The following VWC2L variants were observed in gnomAD, a reference collection of about 807,000 sequenced individuals.
VWC2L encodes the protein von Willebrand factor C domain-containing protein 2-like.
A neutral mutation model predicts 21.6 loss-of-function variants in VWC2L; 10 were observed. The ratio of observed to expected loss-of-function variants is 0.46; its 90% CI spans 0.29 to 0.78. VWC2L has a LOEUF of 0.78. Ranked by LOEUF, VWC2L falls within the 30% of genes least tolerant of loss-of-function variation. The pLI is 0.10. For missense variants in VWC2L, 209 were observed against 277.1 expected, an observed-to-expected ratio of 0.75 and a Z score of 1.74; for synonymous variants, 96 against 94.3, an observed-to-expected ratio of 1.02 and a Z score of -0.10.
chr2:214,567,575 C>G (rs866228844), intron 3 of VWC2L, among the ~76,000 whole-genome samples: 2,017 of 127,492 alleles, frequency 0.016, 59 homozygotes, highest in African/African-American at 0.048. Context: ...CACACACACA[C>G]ACACACACAC....
At chr2:214,512,693 A>C (rs1429531246) in intron 3 of VWC2L, among the ~76,000 whole-genome samples, 1 of 152,200 alleles carries the variant, frequency 6.6e-6, no homozygotes, top group Non-Finnish European at 1.5e-5. Flanking sequence ...GATGAATTTC[A>C]ACACCCAAGA....
intron 1 of VWC2L, among the ~76,000 whole-genome samples, chr2:214,413,424 T>G (rs1702306515): frequency 2.0e-5 from 3 of 152,100 alleles, no homozygotes; most frequent in African/African-American, 7.2e-5. Flanking sequence ...GCACATGGAA[T>G]TCTCTTGTAT....
At chr2:214,553,549 C>G (rs1223388538) in intron 3 of VWC2L, among the ~76,000 whole-genome samples, 1 of 152,034 alleles carries the variant, frequency 6.6e-6, no homozygotes, top group Admixed American at 6.5e-5. Context: ...GTTATGGAGA[C>G]CAAGGTTTTA....
At chr2:214,564,278 A>T (rs539629330) in intron 3 of VWC2L, among the ~76,000 whole-genome samples, 1 of 152,352 alleles carries the variant, frequency 6.6e-6, no homozygotes, top group East Asian at 1.9e-4. Flanking sequence ...TATACCCATT[A>T]AACAACCATT....
At chr2:214,454,476 G>T (rs1235307643) in intron 3 of VWC2L, among the ~76,000 whole-genome samples, 12 of 138,224 alleles carry the variant, frequency 8.7e-5, no homozygotes, top group Non-Finnish European at 1.7e-4. Context: ...TTTTGTGTGG[G>T]TTTTTTTTTT....
chr2:214,472,315 A>G (rs1283478847), intron 3 of VWC2L: 1 of 152,252 alleles, frequency 6.6e-6, no homozygotes, highest in Non-Finnish European at 1.5e-5. Context: ...CCCAAGGAAA[A>G]TAAATACTAT....
intron 3 of VWC2L, among the ~76,000 whole-genome samples, chr2:214,448,435 GAAGGTGCT>G (rs1388293046): frequency 2.0e-5 from 3 of 152,166 alleles, no homozygotes; most frequent in Non-Finnish European, 4.4e-5. Flanking sequence ...TGGTGGGAAG[GAAGGTGCT>G]TCTCAGAAGA....
At chr2:214,572,741 A>T (rs1485449546) in intron 3 of VWC2L, among the ~76,000 whole-genome samples, 1 of 152,190 alleles carries the variant, frequency 6.6e-6, no homozygotes, top group Non-Finnish European at 1.5e-5. Context: ...AGCAAACTTG[A>T]GACTTCTGTA....
At chr2:214,431,622 A>T (rs1702602326) in intron 2 of VWC2L, among the ~76,000 whole-genome samples, 1 of 152,198 alleles carries the variant, frequency 6.6e-6, no homozygotes, top group African/African-American at 2.4e-5. Flanking sequence ...TTTTCAGAAT[A>T]TTCAAAATGT....
intron 3 of VWC2L, among the ~76,000 whole-genome samples, chr2:214,570,633 G>T (rs1195511721): frequency 6.6e-6 from 1 of 152,028 alleles, no homozygotes. Context: ...AAAGTGCTGG[G>T]ATTACAGGCG....
chr2:214,438,546 T>C (rs936121284), intron 3 of VWC2L, among the ~76,000 whole-genome samples: 4 of 152,088 alleles, frequency 2.6e-5, no homozygotes, highest in Non-Finnish European at 2.9e-5. Context: ...ACATCCAGCA[T>C]ATTCATAGAA....
intron 3 of VWC2L, among the ~76,000 whole-genome samples, chr2:214,537,314 G>T (rs1689550256): frequency 6.6e-6 from 1 of 151,952 alleles, no homozygotes; most frequent in Non-Finnish European, 1.5e-5. Context: ...TCCATTGATG[G>T]ACACTTCACT....
chr2:214,490,625 G>A (rs1476418260), intron 3 of VWC2L, among the ~76,000 whole-genome samples: 1 of 152,140 alleles, frequency 6.6e-6, no homozygotes, highest in Non-Finnish European at 1.5e-5. Flanking sequence ...ACCAAAAAGA[G>A]AGTACAAAGG....
intron 3 of VWC2L, among the ~76,000 whole-genome samples, chr2:214,531,143 G>T (rs1464588145): frequency 1.3e-5 from 2 of 152,238 alleles, no homozygotes; most frequent in East Asian, 3.9e-4. Context: ...TTCCCCCAAG[G>T]ACCTTCCAAC....
chr2:214,511,668 C>T (rs1301821571), intron 3 of VWC2L, among the ~76,000 whole-genome samples: 6 of 151,916 alleles, frequency 3.9e-5, no homozygotes. Context: ...TTTAAGCTAC[C>T]CAGTGGTATT....
At chr2:214,536,928 GTC>G (rs891608860) in intron 3 of VWC2L, 2 of 150,450 alleles carry the variant, frequency 1.3e-5, no homozygotes, top group African/African-American at 4.9e-5. Flanking sequence ...CCCTCTTGTC[GTC>G]TCTGTACAAT....
At chr2:214,532,306 G>A (rs1689448782) in intron 3 of VWC2L, among the ~76,000 whole-genome samples, 1 of 152,046 alleles carries the variant, frequency 6.6e-6, no homozygotes, top group African/African-American at 2.4e-5. Context: ...TGTAAAAGCT[G>A]GTGATAAAAT....
chr2:214,486,570 T>C (rs1196568457), intron 3 of VWC2L, among the ~76,000 whole-genome samples: 1 of 152,126 alleles, frequency 6.6e-6, no homozygotes, highest in African/African-American at 2.4e-5. Flanking sequence ...AAAATAGCCA[T>C]TGATGAGGGG....
At chr2:214,439,823 A>G (rs1702737795) in intron 3 of VWC2L, among the ~76,000 whole-genome samples, 1 of 151,906 alleles carries the variant, frequency 6.6e-6, no homozygotes, top group African/African-American at 2.4e-5. Flanking sequence ...AAGAGCAAAC[A>G]AAACAAAGAA....
Sources: allele counts gnomAD v4.1 joint callset (sites outside exome capture counted in the v4.1 genomes callset), GRCh38; gene constraint gnomAD v4.1.1; transcripts MANE v1.5; gene names NCBI Gene and HGNC (gene_info 2026-07-23, HGNC 2026-07-21).